Variants in RSRC1 observed in about 807,000 individuals in gnomAD.
The protein encoded by RSRC1 is arginine and serine rich coiled-coil 1.
RSRC1 carries 39 observed loss-of-function variants against 49.1 expected under a neutral mutation model. The observed-to-expected ratio is 0.79, with a 90% confidence interval of 0.61 to 1.04. The LOEUF (loss-of-function observed/expected upper bound fraction) is 1.04. Among genes scored for constraint, RSRC1 ranks in the 50% least tolerant of loss-of-function variants. The pLI, the probability that RSRC1 is intolerant of heterozygous loss-of-function variation, is 0.00. For synonymous variants in RSRC1, 143 were observed against 130.8 expected, an observed-to-expected ratio of 1.09 and a Z score of -0.63; for missense variants, 388 against 402.4, an observed-to-expected ratio of 0.96 and a Z score of 0.31.
intron 5 of RSRC1, among the ~76,000 whole-genome samples, chr3:158,322,702 C>A (rs1728832602): frequency 6.6e-6 from 1 of 152,110 alleles, no homozygotes; most frequent in Non-Finnish European, 1.5e-5. Context: ...CTTCTCACTT[C>A]CTCTCTCTTT....
intron 7 of RSRC1, among the ~76,000 whole-genome samples, chr3:158,480,541 T>C (rs1413018677): frequency 2.6e-5 from 4 of 152,098 alleles, no homozygotes; most frequent in Non-Finnish European, 4.4e-5. Context: ...GTCTCTTAGA[T>C]GGAAATTAGG....
intron 6 of RSRC1, among the ~76,000 whole-genome samples, chr3:158,409,032 GAATAAT>G (rs751686079): frequency 2.0e-5 from 3 of 151,226 alleles, no homozygotes; most frequent in East Asian, 1.9e-4. Flanking sequence ...GATTCCGTCT[GAATAAT>G]AATAATAATA....
At chr3:158,288,833 CCG>C (rs1238827818) in intron 4 of RSRC1, among the ~76,000 whole-genome samples, 15 of 9,518 alleles carry the variant, frequency 1.6e-3, no homozygotes, top group East Asian at 3.6e-3. Flanking sequence ...TGCACGTTCC[CCG>C]CCCCCCCCCC....
chr3:158,187,924 A>G (rs1220887449), intron 3 of RSRC1, among the ~76,000 whole-genome samples: 2 of 151,994 alleles, frequency 1.3e-5, no homozygotes, highest in Non-Finnish European at 2.9e-5. Flanking sequence ...TATATAAATG[A>G]AGGTTCAAAT....
chr3:158,395,184 G>A (rs1478262283), intron 6 of RSRC1, among the ~76,000 whole-genome samples: 1 of 152,050 alleles, frequency 6.6e-6, no homozygotes, highest in Non-Finnish European at 1.5e-5. Flanking sequence ...ATCAACTCAA[G>A]ATGGATTAAA....
At chr3:158,296,632 A>G (rs1432020505) in intron 4 of RSRC1, among the ~76,000 whole-genome samples, 1 of 152,122 alleles carries the variant, frequency 6.6e-6, no homozygotes, top group Non-Finnish European at 1.5e-5. Context: ...AAAGTATAAA[A>G]TAATTATTTA....
intron 4 of RSRC1, among the ~76,000 whole-genome samples, chr3:158,265,901 G>T (rs1725145196): frequency 6.6e-6 from 1 of 151,898 alleles, no homozygotes. Context: ...GATTTTTTTT[G>T]TCATATACAG....
At chr3:158,167,512 A>C (rs1314037994) in intron 3 of RSRC1, among the ~76,000 whole-genome samples, 1 of 152,156 alleles carries the variant, frequency 6.6e-6, no homozygotes, top group Non-Finnish European at 1.5e-5. Context: ...ATCTAGCTTT[A>C]GGTGGTTATT....
chr3:158,166,671 T>A (rs1718559095), intron 3 of RSRC1, among the ~76,000 whole-genome samples: 1 of 152,200 alleles, frequency 6.6e-6, no homozygotes, highest in Non-Finnish European at 1.5e-5. Context: ...AATCAGGCAA[T>A]GCATATTTCT....
chr3:158,439,618 A>T (rs1736261612), intron 6 of RSRC1, among the ~76,000 whole-genome samples: 1 of 152,090 alleles, frequency 6.6e-6, no homozygotes, highest in Non-Finnish European at 1.5e-5. Context: ...GAACAATGAG[A>T]ACACATGGAC....
chr3:158,123,027 C>G (rs1023374260), intron 2 of RSRC1, among the ~76,000 whole-genome samples: 24 of 152,244 alleles, frequency 1.6e-4, no homozygotes, highest in African/African-American at 5.8e-4. Context: ...GTGAACAGTG[C>G]TGCAACGGAG....
chr3:158,145,998 G>A (rs1007256744), intron 3 of RSRC1, among the ~76,000 whole-genome samples: 7 of 152,194 alleles, frequency 4.6e-5, no homozygotes, highest in African/African-American at 1.7e-4. Flanking sequence ...AGACTTTGCT[G>A]AAGTTGCTTA....
chr3:158,214,202 G>C (rs1434225844), intron 4 of RSRC1, among the ~76,000 whole-genome samples: 2 of 151,660 alleles, frequency 1.3e-5, no homozygotes, highest in Non-Finnish European at 3.0e-5. Flanking sequence ...TATTCATATT[G>C]GGTGAGTTTT....
intron 5 of RSRC1, among the ~76,000 whole-genome samples, chr3:158,323,416 A>C (rs1244602812): frequency 1.3e-5 from 2 of 152,224 alleles, no homozygotes; most frequent in African/African-American, 4.8e-5. Context: ...GAGCAAATTC[A>C]CAATTCTCCC....
intron 6 of RSRC1, among the ~76,000 whole-genome samples, chr3:158,441,745 A>G (rs1010684264): frequency 6.6e-6 from 1 of 152,148 alleles, no homozygotes; most frequent in South Asian, 2.1e-4. Context: ...TTCAGGATAC[A>G]TAAAGCAAAA....
intron 7 of RSRC1, among the ~76,000 whole-genome samples, chr3:158,518,624 C>T (rs1030087075): frequency 6.6e-6 from 1 of 152,096 alleles, no homozygotes; most frequent in Non-Finnish European, 1.5e-5. Flanking sequence ...TAACCACCAT[C>T]CCTCTCCAAT....
intron 6 of RSRC1, among the ~76,000 whole-genome samples, chr3:158,437,431 C>T (rs1312151086): frequency 1.3e-5 from 2 of 151,996 alleles, no homozygotes; most frequent in South Asian, 2.1e-4. Context: ...ACTGGCAAAC[C>T]GAATCCAGCA....
At chr3:158,349,691 CT>C (rs775736592) in intron 5 of RSRC1, among the ~76,000 whole-genome samples, 167 of 74,832 alleles carry the variant, frequency 2.2e-3, no homozygotes, top group South Asian at 6.0e-3. Context: ...TCTTACTGCC[CT>C]TTTTTTTTTT....
chr3:158,516,640 G>T (rs1057485117), intron 7 of RSRC1, among the ~76,000 whole-genome samples: 1 of 152,182 alleles, frequency 6.6e-6, no homozygotes, highest in Non-Finnish European at 1.5e-5. Flanking sequence ...GGAGCTTCCC[G>T]GCTGCTTTGT....
Sources: allele counts gnomAD v4.1 joint callset (sites outside exome capture counted in the v4.1 genomes callset), GRCh38; gene constraint gnomAD v4.1.1; transcripts MANE v1.5; gene names NCBI Gene and HGNC (gene_info 2026-07-23, HGNC 2026-07-21).